CCAR1: variants seen among roughly 807,000 people sequenced by gnomAD.
CCAR1 encodes cell division cycle and apoptosis regulator 1.
A neutral mutation model predicts 163.8 loss-of-function variants in CCAR1; 78 were observed. That is an observed-to-expected ratio of 0.48 (90% CI 0.40 to 0.57). The LOEUF is 0.57. Ranked by LOEUF, CCAR1 falls within the 20% of genes least tolerant of loss-of-function variation. The pLI, the probability that CCAR1 is intolerant of heterozygous loss-of-function variation, is 0.00. For synonymous variants in CCAR1, 443 were observed against 460.7 expected, an observed-to-expected ratio of 0.96 and a Z score of 0.49; for missense variants, 1,019 against 1,365.2, an observed-to-expected ratio of 0.75 and a Z score of 4.00.
At chr10:68,785,769 C>T (rs1430353380) in intron 19 of CCAR1, among the ~76,000 whole-genome samples, 1 of 152,200 alleles carries the variant, frequency 6.6e-6, no homozygotes, top group Non-Finnish European at 1.5e-5. Context: ...CCCATCTTCC[C>T]TGAACCTCTT....
chr10:68,774,655 C>T (rs1589187273), intron 19 of CCAR1, among the ~76,000 whole-genome samples: 1 of 151,542 alleles, frequency 6.6e-6, no homozygotes, highest in South Asian at 2.1e-4. Context: ...CTAATTTGGG[C>T]ATTTTGTTTA....
chr10:68,724,192 G>A (rs1383165820), intron 2 of CCAR1, among the ~76,000 whole-genome samples: 1 of 151,788 alleles, frequency 6.6e-6, no homozygotes, highest in Non-Finnish European at 1.5e-5. Context: ...GCTAGGTGAG[G>A]TGTCTCATGC....
chr10:68,779,316 C>T (rs1248029651), intron 19 of CCAR1, among the ~76,000 whole-genome samples: 3 of 150,952 alleles, frequency 2.0e-5, no homozygotes, highest in African/African-American at 4.9e-5. Context: ...GGAGTGTCGT[C>T]GCGTGATCTC....
rs551601507 is a variant in CCAR1, at chr10:68,786,232, A to G, written c.2733+14A>G. On this transcript the variant is annotated intron_variant, in intron 20 of 24. Transcript: ENST00000265872. ...TCTAAAGATAAGGTGTTTATTGAAT[A>G]CTGTATTCTTTATAATATGGTGATA... is the stretch of plus-strand genomic sequence containing the variant. 2.6e-6 allele frequency: 4 copies of G among 1,516,894 alleles called. No individual in the cohort carries two copies. Among genetic ancestry groups the G allele is most frequent in the South Asian group, 1.1e-5 (1 of 87,256 alleles). The allele number at this position is 1,516,894 out of a possible 1,614,324, so 94.0% of individuals were successfully genotyped here.
chr10:68,722,921 CA>C (rs1298954635), intron 2 of CCAR1, among the ~76,000 whole-genome samples: 1 of 151,350 alleles, frequency 6.6e-6, no homozygotes. Context: ...TACTCCGTCT[CA>C]AAAAAACAAA....
At chr10:68,752,016 A>T (rs1400686047) in intron 10 of CCAR1, among the ~76,000 whole-genome samples, 1 of 146,304 alleles carries the variant, frequency 6.8e-6, no homozygotes, top group Non-Finnish European at 1.5e-5. Flanking sequence ...TCCCGGGTTC[A>T]CGCCATTCTC....
In CCAR1 at chr10:68,787,962, A is replaced by C; in HGVS notation, c.2916A>C (p.Glu972Asp). 6.2e-7 allele frequency: 1 copy of C among 1,613,180 alleles called. No homozygotes were observed. The highest frequency in any genetic ancestry group is 8.5e-7 in the Non-Finnish European group (1 of 1,179,576). The change falls in exon 22 of 25, where the codon GAA (glutamate) becomes GAC (aspartate). Residue 972 changes from glutamate to aspartate, a missense_variant. Glu to Asp is a conservative substitution (Grantham distance 45). Coordinates refer to ENST00000265872, the MANE Select transcript of CCAR1 (RefSeq NM_018237.4). ...KKLLNKVVLR[E>D]SCFYRKLTDT... is the part of the protein sequence containing the mutation. ...TTCTTAATAAAGTAGTGCTCCGTGA[A>C]TCTTGCTTTTACCGGAAATTAACAG...
At chr10:68,780,838 A>G (rs1233832039) in intron 19 of CCAR1, among the ~76,000 whole-genome samples, 2 of 152,130 alleles carry the variant, frequency 1.3e-5, no homozygotes, top group African/African-American at 2.4e-5. Context: ...GAGCTTAATT[A>G]TAAATATTGT....
At chr10:68,751,092 A>G (rs1237992293) in intron 10 of CCAR1, among the ~76,000 whole-genome samples, 1 of 150,392 alleles carries the variant, frequency 6.6e-6, no homozygotes, top group African/African-American at 2.5e-5. Context: ...CAATGGCGCG[A>G]TCTTGGCTCC....
At chr10:68,721,840 C>G (rs1304289951) in intron 1 of CCAR1, among the ~76,000 whole-genome samples, 2 of 152,122 alleles carry the variant, frequency 1.3e-5, no homozygotes, top group Non-Finnish European at 2.9e-5. Context: ...GGAGAATCTT[C>G]GCCTTTTCTG....
In CCAR1 at chr10:68,789,931, C is replaced by T. The variant is rs2056835182; in HGVS notation, c.3393+16C>T. 2.7e-6 allele frequency: 4 copies of T among 1,478,204 alleles called. No homozygotes were observed. The highest frequency in any genetic ancestry group is 2.6e-5 in the South Asian group (2 of 76,720). The allele number at this position is 1,478,204 out of a possible 1,614,324, so 91.6% of individuals were successfully genotyped here. ...TCTCAAGAAGGTGAGAAATTTTGTA[C>T]TTTTAACATTTTCTTAGTTTTAAAA... On this transcript the variant is annotated intron_variant, in intron 24 of 24. Coordinates refer to ENST00000265872, the MANE Select transcript of CCAR1 (RefSeq NM_018237.4).
At chr10:68,769,140 C>G (rs1324331355) in intron 17 of CCAR1, among the ~76,000 whole-genome samples, 3 of 152,156 alleles carry the variant, frequency 2.0e-5, no homozygotes, top group Non-Finnish European at 4.4e-5. Flanking sequence ...ACACACCCAG[C>G]TAATTTTTGT....
intron 17 of CCAR1, among the ~76,000 whole-genome samples, chr10:68,766,884 C>G (rs1039443911): frequency 1.3e-5 from 2 of 152,042 alleles, no homozygotes; most frequent in African/African-American, 4.8e-5. Flanking sequence ...TTGTAGTCTA[C>G]TTCTTGGGAA....
At chr10:68,780,509 A>T (rs2056723255) in intron 19 of CCAR1, among the ~76,000 whole-genome samples, 1 of 152,206 alleles carries the variant, frequency 6.6e-6, no homozygotes, top group Non-Finnish European at 1.5e-5. Flanking sequence ...ACATTTGCTT[A>T]ATTTTTTATT....
rs1351351937 is a variant in CCAR1, at chr10:68,756,664, A to C, written c.1836+181A>C. On this transcript the variant is annotated intron_variant, in intron 14 of 24. Transcript: ENST00000265872. The surrounding 1 kb of genome is among the most constrained non-coding windows in gnomAD (Gnocchi z 5.1). ...TCTTTTCTCTTAAAATTTCTGTCTT[A>C]TTATCCTAACTTTAAGAGTGCTGAG... 1.4e-6 allele frequency: 1 copy of C among 690,948 alleles called. No individual in the cohort carries two copies. The highest frequency in any genetic ancestry group is 2.6e-6 in the Non-Finnish European group (1 of 381,030). The allele number at this position is 690,948 out of a possible 1,614,324, so 42.8% of individuals were successfully genotyped here.
chr10:68,743,368 A>G (rs2056209085), intron 6 of CCAR1, among the ~76,000 whole-genome samples: 1 of 150,540 alleles, frequency 6.6e-6, no homozygotes, highest in African/African-American at 2.4e-5. Flanking sequence ...CTTTCACTAT[A>G]TTGGCCAGGC....
At chr10:68,740,555 T>C in intron 4 of CCAR1, 74 bp from the exon 5 acceptor site, 1 of 1,137,576 alleles carries the variant, frequency 8.8e-7, no homozygotes, top group Non-Finnish European at 1.3e-6. Flanking sequence ...TAGGATTATT[T>C]CTTTTATGAA....
chr10:68,727,486 A>G (rs1208789830), intron 2 of CCAR1, among the ~76,000 whole-genome samples: 3 of 152,072 alleles, frequency 2.0e-5, no homozygotes, highest in Non-Finnish European at 2.9e-5. Context: ...TTTATCTTCT[A>G]TTTCTTCATT....
intron 2 of CCAR1, among the ~76,000 whole-genome samples, chr10:68,728,641 T>G (rs1226957804): frequency 6.6e-6 from 1 of 152,064 alleles, no homozygotes; most frequent in Non-Finnish European, 1.5e-5. Flanking sequence ...ACAATAAGGC[T>G]TTTCCTTTTC....
Sources: allele counts gnomAD v4.1 joint callset (sites outside exome capture counted in the v4.1 genomes callset), GRCh38; gene constraint gnomAD v4.1.1; non-coding constraint Gnocchi (gnomAD v3.1); transcripts MANE v1.5; gene names NCBI Gene and HGNC (gene_info 2026-07-23, HGNC 2026-07-21).